Variants in ANKRD18B observed in about 807,000 individuals in gnomAD.
ANKRD18B encodes ankyrin repeat domain-containing protein 18B.
A neutral mutation model predicts 111.8 loss-of-function variants in ANKRD18B; 75 were observed. That is an observed-to-expected ratio of 0.67 (90% CI 0.56 to 0.81). ANKRD18B has a LOEUF of 0.81. Among genes scored for constraint, ANKRD18B ranks in the 40% least tolerant of loss-of-function variants. The probability of loss-of-function intolerance (pLI) is 0.00; values close to 1 mark genes in which losing one functional copy is unlikely to be tolerated. For missense variants in ANKRD18B, 1,038 were observed against 1,225.5 expected (o/e 0.85, Z 2.28); for synonymous variants, 356 against 417.3 (o/e 0.85, Z 1.79).
In ANKRD18B at chr9:33,543,255, G is replaced by T; in HGVS notation, c.1149G>T (p.Gln383His). 2 of 1,545,294 alleles carry T rather than the reference G, an allele frequency of 1.3e-6. No homozygotes were observed. The highest frequency in any genetic ancestry group is 2.7e-5 in the African/African-American group (2 of 72,776). Residue 383 changes from glutamine (Q) to histidine (H), a missense_variant and splice_region_variant, in exon 10 of 19, where the codon CAG becomes CAT. This residue lies in a region of ANKRD18B where 205 missense variants were observed against 201.3 expected (regional missense o/e 1.02). Coordinates refer to ENST00000684830, the MANE Select transcript of ANKRD18B (RefSeq NM_001393611.1). ...RLERSENKQP[Q>H]DSQSYGKKKD... is the part of the protein sequence containing the mutation. ...AAAGAAGTGAAAATAAACAGCCGCA[G>T]GTATATAACAATTTAAATTTCTGGT...
rs1426015481 is a variant in ANKRD18B, at chr9:33,558,197, A to C, written c.2460+10A>C. On this transcript the variant is annotated intron_variant, in intron 14 of 18. Transcript: ENST00000684830. Reference sequence around the variant, plus strand: ...GAAGCTAAAACAGAAGGTAATTTAAAAAATTATTATTTTATCTTAAGGTCT... The same window carrying C: ...GAAGCTAAAACAGAAGGTAATTTAACAAATTATTATTTTATCTTAAGGTCT... The C allele has an allele frequency of 1.2e-6, 2 of 1,601,644 alleles. No homozygotes were observed. Among genetic ancestry groups the C allele is most frequent in the South Asian group, 2.3e-5 (2 of 88,570 alleles).
At chr9:33,545,107 G>A (rs1828335129) in intron 10 of ANKRD18B, among the ~76,000 whole-genome samples, 2 of 152,058 alleles carry the variant, frequency 1.3e-5, no homozygotes, top group Admixed American at 1.3e-4. Flanking sequence ...TTATACTCTG[G>A]GTCCCTCCAA....
chr9:33,546,643 C>T lies in ANKRD18B; in HGVS notation c.1150-1295C>T, dbSNP rs547642221. 2.6e-5 allele frequency among the ~76,000 whole-genome samples: 4 copies of T among 152,228 alleles called. No homozygotes were observed. The East Asian group carries it at 7.7e-4, about 29-fold the overall frequency. On this transcript the variant is annotated intron_variant, in intron 10 of 18. Transcript: ENST00000684830. ...ATTAAATTGTTTTGCCAAAGTCACA[C>T]TTTTAATTTATTTGACGAATTGGAT... is the stretch of plus-strand genomic sequence containing the variant.
rs143888898 is a variant in ANKRD18B at position 33,548,684 on chromosome 9, G to A, written c.1896G>A (p.Glu632=). 332 of 1,551,112 alleles carry A rather than the reference G, an allele frequency of 2.1e-4. 2 individuals are homozygous for A. The African/African-American group carries it at 4.2e-3, about 20-fold the overall frequency. The change falls in exon 11 of 19, where the codon GAG becomes GAA. Residue 632 remains glutamate, a synonymous_variant. Coordinates refer to ENST00000684830, the MANE Select transcript of ANKRD18B (RefSeq NM_001393611.1). ...LENLLLERQL[E]DARKEGDNKE... is the part of the protein sequence containing the mutation. ...ATCTCTTGCTTGAACGACAACTAGA[G>A]GATGCTCGTAAGGAAGGTGATAATA...
At chr9:33,574,073 C>T (rs143980568), downstream of ANKRD18B, among the ~76,000 whole-genome samples, 686 of 142,112 alleles carry the variant, frequency 4.8e-3, 30 homozygotes, top group African/African-American at 0.016. Context: ...AGAGGGGGCT[C>T]AGTCGGCTGG....
At chr9:33,566,631 G>GA (rs1253141202) in intron 15 of ANKRD18B, 131 bp downstream of exon 15, 5 of 1,103,468 alleles carry the variant, frequency 4.5e-6, no homozygotes, top group Non-Finnish European at 6.2e-6. Flanking sequence ...TAGAGCTCTA[G>GA]AAAAAAGTGA....
At chr9:33,533,703 T>C in intron 4 of ANKRD18B, 158 bp downstream of exon 4, 2 of 1,372,678 alleles carry the variant, frequency 1.5e-6, no homozygotes, top group Non-Finnish European at 1.9e-6. Flanking sequence ...AAAGAAGTTA[T>C]TTGGACTAAG....
chr9:33,545,199 C>G (rs1828336212), intron 10 of ANKRD18B, among the ~76,000 whole-genome samples: 1 of 152,080 alleles, frequency 6.6e-6, no homozygotes. Flanking sequence ...AGACATGCAG[C>G]CTGTTTCTCA....
intron 12 of ANKRD18B, among the ~76,000 whole-genome samples, chr9:33,553,129 G>A (rs1828470516): frequency 6.6e-6 from 1 of 150,876 alleles, no homozygotes; most frequent in Non-Finnish European, 1.5e-5. Flanking sequence ...GGGAAGCTGA[G>A]GCAAGAACAG....
intron 16 of ANKRD18B, among the ~76,000 whole-genome samples, chr9:33,567,697 C>T (rs1828708098): frequency 6.6e-6 from 1 of 152,246 alleles, no homozygotes; most frequent in Non-Finnish European, 1.5e-5. Context: ...TAGATCACAA[C>T]CTGAACCCAA....
rs1296390452 is a variant in ANKRD18B at position 33,572,533 on chromosome 9, C to T, written c.*99C>T. 5 of 1,367,036 alleles carry T rather than the reference C, an allele frequency of 3.7e-6. No homozygotes were observed. In the African/African-American group the frequency reaches 7.4e-5, roughly 20 times the overall value. 84.7% of individuals were successfully genotyped at this position (1,367,036 alleles called of 1,614,324 possible). A position where few individuals can be genotyped will look rare whatever the true frequency, so the allele number is the denominator to read the frequency against. On this transcript the variant is annotated 3_prime_UTR_variant, in exon 19 of 19. Transcript: ENST00000684830. ...AATCTTTACTAAAGTAGAATATTTT[C>T]ATATCATATGATGTATATTTATATG...
chr9:33,546,829 ACAG>A (rs1469174175), intron 10 of ANKRD18B, among the ~76,000 whole-genome samples: 2 of 152,134 alleles, frequency 1.3e-5, no homozygotes, highest in Non-Finnish European at 2.9e-5. Flanking sequence ...GCTAGAGTGG[ACAG>A]CTATACTGTG....
At chr9:33,570,621 T>A (rs1365987199) in intron 17 of ANKRD18B, among the ~76,000 whole-genome samples, 1 of 150,196 alleles carries the variant, frequency 6.7e-6, no homozygotes, top group Non-Finnish European at 1.5e-5. Flanking sequence ...AAAATATGAC[T>A]TTAATTGTTT....
intron 5 of ANKRD18B, among the ~76,000 whole-genome samples, chr9:33,535,158 T>C (rs952529521): frequency 6.6e-5 from 10 of 152,184 alleles, no homozygotes; most frequent in Middle Eastern, 3.4e-3. Flanking sequence ...GCTGTATTGC[T>C]GCCATTGTAA....
Position 33,524,829 on chromosome 9 carries a change from C to T in ANKRD18B, c.206+134C>T, listed in dbSNP as rs62556628. On this transcript the variant is annotated intron_variant, in intron 1 of 18. Transcript: ENST00000684830. ...AAATGGAGCCTCAGCTGCTTTCCAT[C>T]GCTGGGAATTTCCCGCCTGTAGCGC... 2.1e-3 allele frequency: 2,389 copies of T among 1,128,046 alleles called. 4 individuals carry two copies. Among genetic ancestry groups the T allele is most frequent in the Non-Finnish European group, 2.7e-3 (2,152 of 806,878 alleles). 69.9% of individuals were successfully genotyped at this position (1,128,046 alleles called of 1,614,324 possible).
At chr9:33,556,359 G>A (rs1828527081) in intron 13 of ANKRD18B, among the ~76,000 whole-genome samples, 1 of 151,430 alleles carries the variant, frequency 6.6e-6, no homozygotes, top group Admixed American at 6.6e-5. Flanking sequence ...TGCCACCTGG[G>A]TTCAAGTGAT....
intron 14 of ANKRD18B, among the ~76,000 whole-genome samples, chr9:33,565,022 T>C (rs1369700344): frequency 6.6e-6 from 1 of 152,218 alleles, no homozygotes; most frequent in Non-Finnish European, 1.5e-5. Flanking sequence ...TTCACTCAGT[T>C]GTAGTACCAT....
chr9:33,558,027 T>G, intron 13 of ANKRD18B, 31 bp from the exon 14 acceptor site: 1 of 1,502,366 alleles, frequency 6.7e-7, no homozygotes, highest in East Asian at 2.4e-5. Context: ...TCTTAAAAAT[T>G]CTTGACTTAC....
rs757552777 is a variant in ANKRD18B, at chr9:33,558,200, A to G, written c.2460+13A>G. ...GCTAAAACAGAAGGTAATTTAAAAA[A>G]TTATTATTTTATCTTAAGGTCTAGA... On this transcript the variant is annotated intron_variant, in intron 14 of 18. Transcript: ENST00000684830. The G allele has an allele frequency of 3.8e-5, 61 of 1,598,774 alleles. No homozygotes were observed. Among genetic ancestry groups the G allele is most frequent in the Middle Eastern group, 1.7e-4 (1 of 5,894 alleles).
Sources: allele counts gnomAD v4.1 joint callset (sites outside exome capture counted in the v4.1 genomes callset), GRCh38; gene constraint gnomAD v4.1.1; regional missense constraint gnomAD v4.1.1; transcripts MANE v1.5; gene names NCBI Gene and HGNC (gene_info 2026-07-23, HGNC 2026-07-21).